The following NAV2 variants were observed in gnomAD, a reference collection of about 807,000 sequenced individuals.
NAV2 encodes neuron navigator 2, also known as helicase, APC down-regulated 1.
A neutral mutation model predicts 223.2 loss-of-function variants in NAV2; 54 were observed. The ratio of observed to expected loss-of-function variants is 0.24; its 90% CI spans 0.19 to 0.30. The LOEUF (loss-of-function observed/expected upper bound fraction) is 0.30. Ranked by LOEUF, NAV2 falls within the 10% of genes least tolerant of loss-of-function variation. The pLI is 1.00. For missense variants in NAV2, 2,806 were observed against 3,147.5 expected (o/e 0.89, Z 2.60); for synonymous variants, 1,279 against 1,239.3 (o/e 1.03, Z -0.67).
At chr11:19,616,937 A>G (rs1237536083) in intron 1 of NAV2, among the ~76,000 whole-genome samples, 3 of 152,044 alleles carry the variant, frequency 2.0e-5, no homozygotes, top group Admixed American at 6.5e-5. Flanking sequence ...TAATACTAAG[A>G]CAGGGAAAAT....
chr11:20,108,752 C>T (rs2062379396), intron 36 of NAV2, among the ~76,000 whole-genome samples: 2 of 152,078 alleles, frequency 1.3e-5, no homozygotes, highest in South Asian at 2.1e-4. Flanking sequence ...GTGCCCAGCC[C>T]GGAAAGCAAA....
intron 1 of NAV2, among the ~76,000 whole-genome samples, chr11:19,383,328 C>T (rs1240543140): frequency 6.6e-6 from 1 of 152,190 alleles, no homozygotes; most frequent in Non-Finnish European, 1.5e-5. Flanking sequence ...AAAGGAGAGC[C>T]ATAAGGTGGC....
chr11:19,569,911 A>G (rs1372151003), intron 1 of NAV2, among the ~76,000 whole-genome samples: 2 of 152,218 alleles, frequency 1.3e-5, no homozygotes, highest in Admixed American at 6.5e-5. Context: ...AAAGTCTACT[A>G]ACGCTAAATT....
chr11:19,973,748 T>A (rs1484777962), intron 10 of NAV2, among the ~76,000 whole-genome samples: 1 of 152,196 alleles, frequency 6.6e-6, no homozygotes, highest in East Asian at 1.9e-4. Context: ...TCCACTTCTG[T>A]CATATTCTGT....
chr11:19,583,571 A>G (rs1289685856), intron 1 of NAV2, among the ~76,000 whole-genome samples: 1 of 152,208 alleles, frequency 6.6e-6, no homozygotes, highest in Non-Finnish European at 1.5e-5. Flanking sequence ...TAATTTATTG[A>G]GAGTTTTTAG....
chr11:19,642,787 G>GGT (rs202167535), intron 1 of NAV2, among the ~76,000 whole-genome samples: 7 of 151,918 alleles, frequency 4.6e-5, no homozygotes, highest in South Asian at 2.1e-4. Context: ...AACAGTCAGG[G>GGT]GTGTGTGTGT....
chr11:20,117,774 T>A (rs1015249354), intron 37 of NAV2, among the ~76,000 whole-genome samples: 1 of 152,198 alleles, frequency 6.6e-6, no homozygotes, highest in African/African-American at 2.4e-5. Context: ...GTGCCCCTCC[T>A]AAATAAAAAA....
chr11:19,540,639 C>T (rs1484404892), intron 1 of NAV2, among the ~76,000 whole-genome samples: 2 of 152,224 alleles, frequency 1.3e-5, no homozygotes, highest in Non-Finnish European at 2.9e-5. Context: ...AAGTGTGTTT[C>T]CTTCAAGACA....
At chr11:20,070,221 T>C (rs577861415) in intron 22 of NAV2, among the ~76,000 whole-genome samples, 4 of 150,056 alleles carry the variant, frequency 2.7e-5, no homozygotes, top group Admixed American at 2.6e-4. Flanking sequence ...ATGTGTAGAT[T>C]TGAATCCAGA....
chr11:20,085,662 C>T (rs2060390935), intron 26 of NAV2, among the ~76,000 whole-genome samples: 1 of 152,224 alleles, frequency 6.6e-6, no homozygotes, highest in South Asian at 2.1e-4. Context: ...TCACTCCAAA[C>T]CCAGTGCAGA....
At chr11:19,896,079 C>G (rs949269315) in intron 6 of NAV2, among the ~76,000 whole-genome samples, 1 of 152,068 alleles carries the variant, frequency 6.6e-6, no homozygotes, top group African/African-American at 2.4e-5. Flanking sequence ...GCTCCTTCAC[C>G]GAAGCCTTCC....
At position 20,025,763 on chromosome 11, in the gene NAV2, C is replaced by T. The variant is rs945951438; in HGVS notation, c.2769-10196C>T. ...AAATCACTGGCCTTGCACCTGGCAC[C>T]GTCTGTAGACGTTGCTTCTCCCCTA... On this transcript the variant is annotated intron_variant, in intron 11 of 37. Transcript: ENST00000349880. Among the ~76,000 whole-genome samples the T allele has an allele frequency of 3.3e-5, 5 of 152,182 alleles. No homozygotes were observed. In the East Asian group the frequency reaches 7.7e-4, roughly 23 times the overall value.
intron 1 of NAV2, among the ~76,000 whole-genome samples, chr11:19,553,677 T>A (rs932545343): frequency 6.6e-6 from 1 of 152,264 alleles, no homozygotes; most frequent in Non-Finnish European, 1.5e-5. Flanking sequence ...ACTGATGTAT[T>A]TAACAGAAGA....
At chr11:20,010,341 C>G (rs767771888) in intron 11 of NAV2, among the ~76,000 whole-genome samples, 3 of 152,140 alleles carry the variant, frequency 2.0e-5, no homozygotes, top group Non-Finnish European at 2.9e-5. Context: ...TGTCTGCTCC[C>G]GTGGATCAGG....
chr11:19,404,466 A>G (rs988915802), intron 1 of NAV2, among the ~76,000 whole-genome samples: 3 of 152,226 alleles, frequency 2.0e-5, no homozygotes, highest in Admixed American at 2.0e-4. Flanking sequence ...TGGGTGGGAA[A>G]GATCAGAATT....
At chr11:19,704,153 G>C (rs7925096) in intron 1 of NAV2, among the ~76,000 whole-genome samples, 7,707 of 152,122 alleles carry the variant, frequency 0.051, 635 homozygotes, top group African/African-American at 0.17. Context: ...CCCTGTCTCA[G>C]AGCACGAACA....
chr11:19,895,203 A>T (rs1402652077), intron 6 of NAV2, among the ~76,000 whole-genome samples: 1 of 129,782 alleles, frequency 7.7e-6, no homozygotes, highest in Non-Finnish European at 1.5e-5. Context: ...AGTGGCTGGG[A>T]TTACAAGTGT....
At chr11:19,781,532 A>G (rs202110079) in intron 1 of NAV2, among the ~76,000 whole-genome samples, 34 of 29,200 alleles carry the variant, frequency 1.2e-3, no homozygotes, top group African/African-American at 2.6e-3. Flanking sequence ...ATGATGAGGG[A>G]AATGTGCCCC....
At chr11:19,827,972 G>C (rs1328179357) in intron 1 of NAV2, among the ~76,000 whole-genome samples, 2 of 152,012 alleles carry the variant, frequency 1.3e-5, no homozygotes, top group Non-Finnish European at 2.9e-5. Context: ...GGGAGGAAGG[G>C]GAGGGTGGGG....
Sources: allele counts gnomAD v4.1 joint callset (sites outside exome capture counted in the v4.1 genomes callset), GRCh38; gene constraint gnomAD v4.1.1; transcripts MANE v1.5; gene names NCBI Gene and HGNC (gene_info 2026-07-23, HGNC 2026-07-21).